The following GNG7 variants were observed in gnomAD, a reference collection of about 807,000 sequenced individuals.
GNG7 encodes the protein guanine nucleotide-binding protein G(I)/G(S)/G(O) subunit gamma-7.
A neutral mutation model predicts 4.0 loss-of-function variants in GNG7; 1 was observed. The ratio of observed to expected loss-of-function variants is 0.25; its 90% CI spans 0.09 to 1.18. The LOEUF is 1.18. Ranked by LOEUF, GNG7 falls within the 50% of genes most tolerant of loss-of-function variation. The probability of loss-of-function intolerance (pLI) is 0.50; values close to 1 mark genes in which losing one functional copy is unlikely to be tolerated. For synonymous variants in GNG7, 34 were observed against 36.9 expected, an observed-to-expected ratio of 0.92 and a Z score of 0.29; for missense variants, 86 against 91.9, an observed-to-expected ratio of 0.94 and a Z score of 0.26.
chr19:2,549,953 G>C (rs1480615509), intron 3 of GNG7, among the ~76,000 whole-genome samples: 3 of 152,198 alleles, frequency 2.0e-5, no homozygotes, highest in Admixed American at 6.5e-5. Context: ...CCCTTTTCTT[G>C]TCTATCCAAA....
chr19:2,537,278 C>T (rs1208957925), intron 3 of GNG7, among the ~76,000 whole-genome samples: 1 of 152,148 alleles, frequency 6.6e-6, no homozygotes, highest in Non-Finnish European at 1.5e-5. Flanking sequence ...CAGGTTCTCA[C>T]TCTGTTGTCC....
chr19:2,582,363 T>G (rs1447018727), intron 2 of GNG7, among the ~76,000 whole-genome samples: 1 of 152,204 alleles, frequency 6.6e-6, no homozygotes, highest in Non-Finnish European at 1.5e-5. Flanking sequence ...AAAATAAAAT[T>G]GTTAAAAGTG....
At chr19:2,536,602 C>T (rs765982369) in intron 3 of GNG7, among the ~76,000 whole-genome samples, 4 of 152,174 alleles carry the variant, frequency 2.6e-5, no homozygotes, top group African/African-American at 4.8e-5. Flanking sequence ...CACTGCCGCA[C>T]TGAAGCGTGT....
At chr19:2,647,509 T>G (rs1473202809) in intron 1 of GNG7, among the ~76,000 whole-genome samples, 2 of 152,142 alleles carry the variant, frequency 1.3e-5, no homozygotes, top group African/African-American at 4.8e-5. Flanking sequence ...TCCAGGGTCC[T>G]CCCAGCGAGT....
intron 1 of GNG7, among the ~76,000 whole-genome samples, chr19:2,649,262 T>C (rs1982746042): frequency 6.6e-6 from 1 of 151,956 alleles, no homozygotes; most frequent in Non-Finnish European, 1.5e-5. Context: ...TGAATGAATT[T>C]GAAGTGGTCT....
intron 1 of GNG7, among the ~76,000 whole-genome samples, chr19:2,678,599 C>T (rs559154005): frequency 1.3e-5 from 2 of 152,006 alleles, no homozygotes; most frequent in South Asian, 2.1e-4. Flanking sequence ...TAAATGCATA[C>T]GGTTTCAGTT....
intron 2 of GNG7, among the ~76,000 whole-genome samples, chr19:2,567,948 G>C (rs1475452209): frequency 1.3e-5 from 2 of 152,112 alleles, no homozygotes; most frequent in Non-Finnish European, 2.9e-5. Flanking sequence ...TCAGGAAGTA[G>C]GGCGTTCACA....
At chr19:2,660,801 A>G (rs1260737078) in intron 1 of GNG7, among the ~76,000 whole-genome samples, 1 of 152,074 alleles carries the variant, frequency 6.6e-6, no homozygotes, top group Non-Finnish European at 1.5e-5. Context: ...AAATAAATAA[A>G]TAAAGACACA....
At position 2,512,025 on chromosome 19, in the gene GNG7, G is replaced by T; in HGVS notation, c.*2997C>A. On this transcript the variant is annotated 3_prime_UTR_variant, in exon 5 of 5. Transcript: ENST00000382159. The surrounding 1 kb of genome is among the most constrained non-coding windows in gnomAD (Gnocchi z 4.7). ...TCAGCAGCGGGGAAGGCCCGTGGGA[G>T]ACCCAGGCTACAGAAGGAGAAACGG... The T allele has an allele frequency of 2.0e-6, 2 of 985,900 alleles. No individual in the cohort carries two copies. Among genetic ancestry groups the T allele is most frequent in the Non-Finnish European group, 2.4e-6 (2 of 829,964 alleles). The allele number at this position is 985,900 out of a possible 1,614,324, so 61.1% of individuals were successfully genotyped here.
intron 1 of GNG7, among the ~76,000 whole-genome samples, chr19:2,646,693 A>AT (rs957219969): frequency 1.3e-5 from 2 of 151,908 alleles, no homozygotes; most frequent in African/African-American, 4.8e-5. Flanking sequence ...TCAAAAAAAA[A>AT]AATAATAGAA....
chr19:2,564,082 A>T (rs1384421324), intron 2 of GNG7, among the ~76,000 whole-genome samples: 1 of 152,082 alleles, frequency 6.6e-6, no homozygotes, highest in African/African-American at 2.4e-5. Flanking sequence ...AGTGTAGCTA[A>T]TTTTCAACTC....
At chr19:2,596,668 C>CA (rs1357768720) in intron 2 of GNG7, among the ~76,000 whole-genome samples, 23 of 150,700 alleles carry the variant, frequency 1.5e-4, no homozygotes, top group African/African-American at 5.1e-4. Context: ...GACCCTGTCC[C>CA]CCCCCCAAAA....
intron 2 of GNG7, among the ~76,000 whole-genome samples, chr19:2,597,207 G>A (rs1005149453): frequency 6.6e-6 from 1 of 151,588 alleles, no homozygotes; most frequent in Non-Finnish European, 1.5e-5. Context: ...AGCTGCTGCA[G>A]GGAGCTGAGA....
At chr19:2,666,518 C>G (rs1180713755) in intron 1 of GNG7, among the ~76,000 whole-genome samples, 1 of 152,056 alleles carries the variant, frequency 6.6e-6, no homozygotes, top group Non-Finnish European at 1.5e-5. Flanking sequence ...TGCTATGTTG[C>G]CCAGACTGGC....
At chr19:2,579,004 G>A (rs931867584) in intron 2 of GNG7, among the ~76,000 whole-genome samples, 1 of 151,364 alleles carries the variant, frequency 6.6e-6, no homozygotes, top group Non-Finnish European at 1.5e-5. Flanking sequence ...GTCTGCGAGA[G>A]GCCAGGAAAT....
chr19:2,602,838 G>C (rs565585089), intron 2 of GNG7, among the ~76,000 whole-genome samples: 65 of 152,012 alleles, frequency 4.3e-4, no homozygotes, highest in Non-Finnish European at 7.9e-4. Flanking sequence ...GGCTCACTGC[G>C]GCTCTGCAAG....
chr19:2,629,507 T>C (rs1982103108), intron 2 of GNG7, among the ~76,000 whole-genome samples: 1 of 152,122 alleles, frequency 6.6e-6, no homozygotes, highest in Non-Finnish European at 1.5e-5. Flanking sequence ...ACAAGTCTTC[T>C]AGTGCTAGGA....
intron 2 of GNG7, among the ~76,000 whole-genome samples, chr19:2,628,306 G>A (rs1470955759): frequency 6.6e-6 from 1 of 152,110 alleles, no homozygotes; most frequent in Admixed American, 6.6e-5. Flanking sequence ...AGCTAGTTTG[G>A]TTATCGGCAG....
At chr19:2,516,326 G>A (rs1972734479) in intron 4 of GNG7, among the ~76,000 whole-genome samples, 1 of 152,074 alleles carries the variant, frequency 6.6e-6, no homozygotes, top group Non-Finnish European at 1.5e-5. Flanking sequence ...CCGGGTTCAA[G>A]CAATTCTCCT....
Sources: allele counts gnomAD v4.1 joint callset (sites outside exome capture counted in the v4.1 genomes callset), GRCh38; gene constraint gnomAD v4.1.1; non-coding constraint Gnocchi (gnomAD v3.1); transcripts MANE v1.5; gene names NCBI Gene and HGNC (gene_info 2026-07-23, HGNC 2026-07-21).